Variants in DOCK9 observed in about 807,000 individuals in gnomAD.
The protein encoded by DOCK9 is dedicator of cytokinesis 9, also known as dedicator of cytokinesis protein 9.
A neutral mutation model predicts 263.3 loss-of-function variants in DOCK9; 89 were observed. That is an observed-to-expected ratio of 0.34 (90% CI 0.28 to 0.40). The LOEUF (loss-of-function observed/expected upper bound fraction) is 0.40, where lower values mean the gene tolerates loss of function less well. Ranked by LOEUF, DOCK9 falls within the 10% of genes least tolerant of loss-of-function variation. The pLI is 1.00. For missense variants in DOCK9, 2,140 were observed against 2,603.4 expected (o/e 0.82, Z 3.87); for synonymous variants, 976 against 973.1 (o/e 1.00, Z -0.06).
intron 3 of DOCK9, among the ~76,000 whole-genome samples, chr13:98,927,223 A>AT (rs1467809513): frequency 6.6e-6 from 1 of 152,236 alleles, no homozygotes; most frequent in Non-Finnish European, 1.5e-5. Flanking sequence ...TTAAAATGCT[A>AT]TTTTATCCTT....
chr13:98,808,973 G>A, intron 47 of DOCK9: 2 of 1,096,234 alleles, frequency 1.8e-6, no homozygotes, highest in Non-Finnish European at 2.5e-6. Flanking sequence ...GAAAACAGGT[G>A]ATTTATTTCT....
chr13:98,890,436 ACTC>A (rs2046443649), intron 15 of DOCK9, among the ~76,000 whole-genome samples: 2 of 152,254 alleles, frequency 1.3e-5, no homozygotes, highest in African/African-American at 4.8e-5. Flanking sequence ...AAGCCTTTGC[ACTC>A]CTCTACTACA....
intron 45 of DOCK9, among the ~76,000 whole-genome samples, chr13:98,822,218 T>G (rs1009120245): frequency 6.6e-6 from 1 of 152,202 alleles, no homozygotes; most frequent in African/African-American, 2.4e-5. Flanking sequence ...CTTCTGAAAA[T>G]AGCTGATAAA....
intron 1 of DOCK9, among the ~76,000 whole-genome samples, chr13:98,995,724 G>T (rs1415181041): frequency 6.6e-6 from 1 of 152,052 alleles, no homozygotes; most frequent in Non-Finnish European, 1.5e-5. Context: ...TCCTCACCTT[G>T]TGATCCGCCC....
intron 15 of DOCK9, among the ~76,000 whole-genome samples, chr13:98,889,106 C>T (rs2390141): frequency 0.71 from 108,096 of 152,080 alleles, 39,217 homozygotes; most frequent in Middle Eastern, 0.9. Flanking sequence ...AAAACAGTTA[C>T]AGCTCAAGTG....
intron 1 of DOCK9, among the ~76,000 whole-genome samples, chr13:98,986,691 A>G (rs1429624225): frequency 1.3e-5 from 2 of 152,154 alleles, no homozygotes; most frequent in Admixed American, 1.3e-4. Context: ...AGCTCATTGT[A>G]ACTGATTTCC....
chr13:98,939,872 A>G (rs1409621283), intron 2 of DOCK9, among the ~76,000 whole-genome samples: 1 of 152,222 alleles, frequency 6.6e-6, no homozygotes, highest in Non-Finnish European at 1.5e-5. Flanking sequence ...CCTCAGCCAA[A>G]CTGCATGGTG....
chr13:99,038,294 T>TCGC (rs1566338434), intron 1 of DOCK9, among the ~76,000 whole-genome samples: 2,681 of 56,444 alleles, frequency 0.047, 276 homozygotes, highest in African/African-American at 0.14. Context: ...CCCCCTTTTT[T>TCGC]TTTTTTTTTT....
At chr13:98,885,906 T>C in intron 19 of DOCK9, 75 bp from the exon 20 acceptor site, 2 of 1,431,246 alleles carry the variant, frequency 1.4e-6, no homozygotes, top group Non-Finnish European at 1.9e-6. Flanking sequence ...AGACAGTATG[T>C]GTTACCCAAC....
intron 1 of DOCK9, among the ~76,000 whole-genome samples, chr13:98,977,466 T>G (rs911064205): frequency 6.6e-6 from 1 of 152,246 alleles, no homozygotes; most frequent in African/African-American, 2.4e-5. Flanking sequence ...ATAGTTGCAA[T>G]TAAAATATGC....
In DOCK9 at chr13:98,925,839, C is replaced by T. The variant is rs199507848; in HGVS notation, c.414G>A (p.Pro138=). ...TGTGTATAATATAGCTTACTCACTT[C>T]GGAAGCTGTCGAAACTCTCCTGAGT... ...EDYSGEFRQL[P]NKVVKLDKLP... Residue 138 remains proline (P), a splice_region_variant and synonymous_variant, in exon 4 of 53, where the codon CCG becomes CCA. Coordinates refer to ENST00000682017, the MANE Select transcript of DOCK9 (RefSeq NM_001366683.2). The T allele has an allele frequency of 6.0e-4, 937 of 1,560,626 alleles. 1 individual carries two copies. The highest frequency in any genetic ancestry group is 7.8e-4 in the Admixed American group (41 of 52,840).
chr13:99,058,166 CTTT>C (rs1227722245), intron 1 of DOCK9, among the ~76,000 whole-genome samples: 2 of 139,492 alleles, frequency 1.4e-5, no homozygotes. Flanking sequence ...TACTTGATAT[CTTT>C]TTTTTTTTTT....
intron 1 of DOCK9, among the ~76,000 whole-genome samples, chr13:99,003,697 C>T (rs1350213230): frequency 6.6e-6 from 1 of 152,060 alleles, no homozygotes; most frequent in Non-Finnish European, 1.5e-5. Flanking sequence ...TCATTTAACA[C>T]TCTCTTAAAT....
chr13:98,807,856 C>A, intron 47 of DOCK9, 49 bp from the exon 48 acceptor site: 1 of 1,510,572 alleles, frequency 6.6e-7, no homozygotes, highest in South Asian at 1.3e-5. Context: ...AAGCCCAGGG[C>A]TTACCACCTA....
intron 49 of DOCK9, among the ~76,000 whole-genome samples, chr13:98,801,501 T>C (rs1309735273): frequency 6.6e-6 from 1 of 152,202 alleles, no homozygotes; most frequent in Non-Finnish European, 1.5e-5. Flanking sequence ...CTGATTAATA[T>C]TGTTTTCCTT....
chr13:98,947,663 G>A (rs1419530687), intron 2 of DOCK9, among the ~76,000 whole-genome samples: 4 of 151,888 alleles, frequency 2.6e-5, no homozygotes, highest in African/African-American at 4.8e-5. Flanking sequence ...CCGCCACTAC[G>A]CCCAGATAAT....
At chr13:98,892,949 G>T (rs1219238765) in intron 15 of DOCK9, among the ~76,000 whole-genome samples, 1 of 152,218 alleles carries the variant, frequency 6.6e-6, no homozygotes, top group Admixed American at 6.5e-5. Flanking sequence ...CCGCCTCCAG[G>T]ACTCCCAGCA....
chr13:98,834,397 G>A (rs1314303935), intron 39 of DOCK9: 2 of 152,132 alleles, frequency 1.3e-5, no homozygotes, highest in Non-Finnish European at 2.9e-5. Context: ...TCACTAAGAC[G>A]ACCTAAGCCT....
At chr13:98,923,764 A>G (rs1413224286) in intron 4 of DOCK9, among the ~76,000 whole-genome samples, 1 of 152,236 alleles carries the variant, frequency 6.6e-6, no homozygotes, top group African/African-American at 2.4e-5. Context: ...CAACAAAAAC[A>G]AGACACCAAT....
Sources: gnomAD v4.1 joint callset for allele counts (sites outside exome capture counted in the v4.1 genomes callset) on GRCh38, gnomAD v4.1.1 for gene constraint, MANE v1.5 for transcripts, NCBI Gene and HGNC (gene_info 2026-07-23, HGNC 2026-07-21) for gene names.